Variants in ADAMTS19 observed in about 807,000 individuals in gnomAD.
ADAMTS19 encodes ADAM metallopeptidase with thrombospondin type 1 motif 19.
Under a neutral mutation model 153.3 loss-of-function variants are expected in ADAMTS19, and 93 were observed. The observed-to-expected ratio is 0.61, with a 90% confidence interval of 0.51 to 0.72. The LOEUF (loss-of-function observed/expected upper bound fraction) is 0.72, where lower values mean the gene tolerates loss of function less well. ADAMTS19 is among the 30% of genes least tolerant of loss of function. ADAMTS19 has a pLI of 0.00. For missense variants in ADAMTS19, 1,482 were observed against 1,552.1 expected (o/e 0.95, Z 0.76); for synonymous variants, 600 against 556.6 (o/e 1.08, Z -1.10).
chr5:129,537,474 C>G (rs1477138270), intron 6 of ADAMTS19, among the ~76,000 whole-genome samples: 2 of 152,114 alleles, frequency 1.3e-5, no homozygotes, highest in Non-Finnish European at 2.9e-5. Context: ...GACACATGCA[C>G]ACGTATGTTT....
intron 6 of ADAMTS19, among the ~76,000 whole-genome samples, chr5:129,537,951 A>G (rs2126791635): frequency 6.6e-6 from 1 of 151,962 alleles, no homozygotes; most frequent in African/African-American, 2.4e-5. Flanking sequence ...ATACACAAAA[A>G]AAGAAAAAAA....
chr5:129,563,069 TGTGAGAATCTCCA>T (rs1169095436), intron 7 of ADAMTS19, among the ~76,000 whole-genome samples: 2 of 152,232 alleles, frequency 1.3e-5, no homozygotes, highest in Admixed American at 1.3e-4. Flanking sequence ...AACACTGTAC[TGTGAGAATCTCCA>T]GACCCTTCCC....
chr5:129,722,459 A>G (rs1358737856), intron 21 of ADAMTS19, among the ~76,000 whole-genome samples: 4 of 151,970 alleles, frequency 2.6e-5, no homozygotes, highest in African/African-American at 9.7e-5. Context: ...TTTGTCTTCT[A>G]AATTTGTTTA....
chr5:129,579,585 G>A (rs1440560959), intron 7 of ADAMTS19, among the ~76,000 whole-genome samples: 7 of 152,170 alleles, frequency 4.6e-5, no homozygotes, highest in Admixed American at 1.3e-4. Flanking sequence ...TTATGTTTAA[G>A]TCTTCAATCT....
rs564801415 is a variant in ADAMTS19 at position 129,599,832 on chromosome 5, C to G, written c.1478+3168C>G. Among the ~76,000 whole-genome samples, 9 of 152,136 alleles carry G rather than the reference C, an allele frequency of 5.9e-5. 1 individual carries two copies. In the South Asian group the frequency reaches 1.9e-3, roughly 32 times the overall value. On this transcript the variant is annotated intron_variant, in intron 8 of 22. Transcript: ENST00000274487. ...TGTACCCAAAATCAATAGAGATGTG[C>G]CAAAGGTATGTGTAATACTTGATGG...
chr5:129,604,171 A>G (rs1341206815), intron 8 of ADAMTS19, among the ~76,000 whole-genome samples: 1 of 149,284 alleles, frequency 6.7e-6, no homozygotes, highest in Non-Finnish European at 1.5e-5. Context: ...TACTTAGGTG[A>G]TGGATTGATA....
chr5:129,526,033 G>A (rs1751993175), intron 3 of ADAMTS19, among the ~76,000 whole-genome samples: 1 of 152,006 alleles, frequency 6.6e-6, no homozygotes. Context: ...AAAGATAGGT[G>A]TTATCATTAT....
Position 129,461,326 on chromosome 5 carries a change from G to T in ADAMTS19, c.316G>T (p.Glu106Ter). 7.5e-7 allele frequency: 1 copy of T among 1,329,760 alleles called. No homozygotes were observed. 82.4% of individuals were successfully genotyped at this position (1,329,760 alleles called of 1,614,324 possible). The change falls in exon 2 of 23, where the codon GAG (glutamate) becomes TAG (stop). Residue 106 changes from glutamate (E) to a stop codon, truncating the protein, a stop_gained. Coordinates refer to ENST00000274487, the MANE Select transcript of ADAMTS19 (RefSeq NM_133638.6). LOFTEE classifies it high-confidence loss of function. The surrounding 1 kb of genome is among the most constrained non-coding windows in gnomAD (Gnocchi z 4.6). ...PLEEPVEGRS[E>*]SRLRPPPPSE... ...GGAGGAGCCCGTGGAGGGCCGATCAGAGTCCCGGCTCCGGCCCCCGCCGCC... is the reference window on the plus strand; with the variant it reads ...GGAGGAGCCCGTGGAGGGCCGATCATAGTCCCGGCTCCGGCCCCCGCCGCC...
intron 8 of ADAMTS19, among the ~76,000 whole-genome samples, chr5:129,615,965 T>A (rs1010723408): frequency 6.6e-6 from 1 of 151,982 alleles, no homozygotes; most frequent in Non-Finnish European, 1.5e-5. Context: ...CAAGTGTATG[T>A]GCATTGTTAG....
chr5:129,566,785 C>T (rs1753731172), intron 7 of ADAMTS19, among the ~76,000 whole-genome samples: 1 of 152,086 alleles, frequency 6.6e-6, no homozygotes, highest in Non-Finnish European at 1.5e-5. Context: ...GGGGTAGTAA[C>T]AGTGGCAGGA....
intron 7 of ADAMTS19, among the ~76,000 whole-genome samples, chr5:129,591,493 A>G (rs1750131755): frequency 6.6e-6 from 1 of 151,824 alleles, no homozygotes; most frequent in Non-Finnish European, 1.5e-5. Context: ...GAGTTTCACC[A>G]TGTTGGCCAG....
At chr5:129,658,163 A>G (rs559909496) in intron 14 of ADAMTS19, among the ~76,000 whole-genome samples, 3 of 151,936 alleles carry the variant, frequency 2.0e-5, no homozygotes, top group African/African-American at 7.2e-5. Flanking sequence ...ACGCATGCCT[A>G]TAGTCCCAGC....
chr5:129,511,727 G>T (rs962670303), intron 3 of ADAMTS19, among the ~76,000 whole-genome samples: 1 of 151,646 alleles, frequency 6.6e-6, no homozygotes, highest in African/African-American at 2.4e-5. Context: ...TTGAGATAAT[G>T]GACTTCGGGA....
At chr5:129,673,642 T>C (rs77682814) in intron 16 of ADAMTS19, among the ~76,000 whole-genome samples, 308 of 152,252 alleles carry the variant, frequency 2.0e-3, no homozygotes, top group African/African-American at 7.1e-3. Context: ...TAAATATCAA[T>C]TAGTTTTATT....
chr5:129,593,960 CA>C (rs1750260491), intron 7 of ADAMTS19, among the ~76,000 whole-genome samples: 1 of 152,082 alleles, frequency 6.6e-6, no homozygotes. Context: ...ACCTATATAT[CA>C]AATAATGTTG....
intron 14 of ADAMTS19, among the ~76,000 whole-genome samples, chr5:129,658,301 A>T (rs536097482): frequency 9.4e-6 from 1 of 106,150 alleles, no homozygotes; most frequent in African/African-American, 4.3e-5. Flanking sequence ...AAAAGAAAGA[A>T]AGAAAGAAAA....
At chr5:129,610,397 G>C (rs938877007) in intron 8 of ADAMTS19, among the ~76,000 whole-genome samples, 22 of 151,944 alleles carry the variant, frequency 1.4e-4, no homozygotes, top group African/African-American at 4.6e-4. Flanking sequence ...CCATTAACTT[G>C]TCAGTTACAT....
At chr5:129,465,917 G>T (rs1749840774) in intron 2 of ADAMTS19, among the ~76,000 whole-genome samples, 1 of 152,200 alleles carries the variant, frequency 6.6e-6, no homozygotes, top group Admixed American at 6.5e-5. Context: ...AAACAGTTTG[G>T]CTTGGATTAA....
At chr5:129,639,800 C>T (rs997702881) in intron 10 of ADAMTS19, among the ~76,000 whole-genome samples, 13 of 152,230 alleles carry the variant, frequency 8.5e-5, no homozygotes, top group Admixed American at 6.5e-4. Flanking sequence ...GAAAAATCAA[C>T]ATTTGACCCC....
Sources: gnomAD v4.1 joint callset for allele counts (sites outside exome capture counted in the v4.1 genomes callset) on GRCh38, gnomAD v4.1.1 for gene constraint, Gnocchi (gnomAD v3.1) non-coding constraint, MANE v1.5 for transcripts, NCBI Gene and HGNC (gene_info 2026-07-23, HGNC 2026-07-21) for gene names.